The following ERICH5 variants were observed in gnomAD, a reference collection of about 807,000 sequenced individuals.
ERICH5 encodes the protein glutamate rich 5.
ERICH5 carries 24 observed loss-of-function variants against 28.0 expected under a neutral mutation model. The observed-to-expected ratio is 0.86, with a 90% confidence interval of 0.62 to 1.21. The LOEUF (loss-of-function observed/expected upper bound fraction) is 1.21. ERICH5 is among the 50% of genes most tolerant of loss of function. ERICH5 has a pLI of 0.00. For synonymous variants in ERICH5, 163 were observed against 157.6 expected (o/e 1.03, Z -0.25); for missense variants, 421 against 441.2 (o/e 0.95, Z 0.41).
chr8:98,073,508 A>C (rs1174573248), intron 1 of ERICH5, among the ~76,000 whole-genome samples: 429 of 4,984 alleles, frequency 0.086, 119 homozygotes, highest in African/African-American at 0.17. Context: ...ATATATATAT[A>C]TATATATGTA....
chr8:98,068,077 G>A (rs1814850757), intron 1 of ERICH5, among the ~76,000 whole-genome samples: 1 of 151,974 alleles, frequency 6.6e-6, no homozygotes, highest in Admixed American at 6.6e-5. Context: ...GGCTGGTCTT[G>A]AACTTCCAAG....
At chr8:98,087,695 TAATC>T (rs1815307158) in intron 1 of ERICH5, among the ~76,000 whole-genome samples, 1 of 152,166 alleles carries the variant, frequency 6.6e-6, no homozygotes, top group African/African-American at 2.4e-5. Context: ...GTTGAGCACT[TAATC>T]ACACAGTAGA....
chr8:98,083,755 G>A (rs184816373), intron 1 of ERICH5, among the ~76,000 whole-genome samples: 22 of 152,234 alleles, frequency 1.4e-4, no homozygotes, highest in East Asian at 7.7e-4. Flanking sequence ...AGATTTATAC[G>A]TCCAACAGCC....
intron 1 of ERICH5, among the ~76,000 whole-genome samples, chr8:98,068,642 G>A (rs1433330564): frequency 1.3e-5 from 2 of 152,252 alleles, no homozygotes; most frequent in Non-Finnish European, 2.9e-5. Flanking sequence ...GTCTATAGAC[G>A]TTCACATCCA....
intron 2 of ERICH5, among the ~76,000 whole-genome samples, chr8:98,091,908 T>C (rs1382885023): frequency 3.5e-3 from 321 of 93,038 alleles, no homozygotes; most frequent in African/African-American, 0.013. Flanking sequence ...TTCCTTTCTT[T>C]CTTTCTTTCT....
rs1338994883 is a variant in ERICH5, at chr8:98,064,639, A to T, written c.-31A>T. ...CCCGGTTCCGGGCCGACACCCGCGC[A>T]GGGCTGAGACAGGTGTCTGCGCTCC... On this transcript the variant is annotated 5_prime_UTR_variant, in exon 1 of 3. Coordinates refer to ENST00000318528, the MANE Select transcript of ERICH5 (RefSeq NM_173549.3). The T allele has an allele frequency of 2.7e-6, 4 of 1,490,114 alleles. No homozygotes were observed. Among genetic ancestry groups the T allele is most frequent in the Admixed American group, 2.1e-5 (1 of 47,294 alleles). The allele number at this position is 1,490,114 out of a possible 1,614,324, so 92.3% of individuals were successfully genotyped here.
At chr8:98,088,130 G>A (rs1738565633) in intron 1 of ERICH5, among the ~76,000 whole-genome samples, 2 of 152,078 alleles carry the variant, frequency 1.3e-5, no homozygotes, top group Admixed American at 1.3e-4. Flanking sequence ...CTCTCCCAAA[G>A]CATCTTCATA....
chr8:98,072,185 G>T (rs1205095914), intron 1 of ERICH5, among the ~76,000 whole-genome samples: 1 of 152,216 alleles, frequency 6.6e-6, no homozygotes, highest in Non-Finnish European at 1.5e-5. Context: ...CAGCCTGTGA[G>T]AATGGTTTAT....
chr8:98,086,414 T>C (rs1413594264), intron 1 of ERICH5, among the ~76,000 whole-genome samples: 1 of 152,192 alleles, frequency 6.6e-6, no homozygotes, highest in Admixed American at 6.5e-5. Context: ...TTGATATGAA[T>C]ACATGTGTTC....
chr8:98,082,323 T>C lies in ERICH5; in HGVS notation c.59-6753T>C, dbSNP rs574236477. On this transcript the variant is annotated intron_variant, in intron 1 of 2. Transcript: ENST00000318528. ...GTATACGCTGTGGACACTTGCCTAC[T>C]TCCAGTGTACCAGTAAAATTGGGAA... Among the ~76,000 whole-genome samples the C allele has an allele frequency of 2.6e-4, 39 of 152,262 alleles. 1 individual carries two copies. The highest frequency in any genetic ancestry group is 2.4e-3 in the Admixed American group (36 of 15,282).
At chr8:98,087,076 C>T (rs945290302) in intron 1 of ERICH5, among the ~76,000 whole-genome samples, 1 of 152,006 alleles carries the variant, frequency 6.6e-6, no homozygotes, top group African/African-American at 2.4e-5. Flanking sequence ...GGCGTGGTGG[C>T]TTACGCCTAT....
chr8:98,081,280 A>AT, intron 1 of ERICH5, among the ~76,000 whole-genome samples: 1 of 151,256 alleles, frequency 6.6e-6, no homozygotes, highest in Non-Finnish European at 1.5e-5. Flanking sequence ...TAATTTTTAA[A>AT]TTTTTTGGTA....
At chr8:98,073,292 G>C (rs1814954307) in intron 1 of ERICH5, among the ~76,000 whole-genome samples, 1 of 149,772 alleles carries the variant, frequency 6.7e-6, no homozygotes, top group Non-Finnish European at 1.5e-5. Context: ...AATATAGTCT[G>C]GGCCAGGAAC....
intron 1 of ERICH5, among the ~76,000 whole-genome samples, chr8:98,068,559 G>A (rs1442365443): frequency 6.6e-6 from 1 of 152,294 alleles, no homozygotes; most frequent in Admixed American, 6.5e-5. Context: ...GTTGTTTTGA[G>A]TGTCCTGAGG....
chr8:98,089,825 G>A lies in ERICH5; in HGVS notation c.808G>A (p.Val270Ile). The change falls in exon 2 of 3, where the codon GTA becomes ATA. Residue 270 changes from valine (V) to isoleucine (I), a missense_variant. Physicochemically the swap from Val to Ile is conservative, Grantham distance 29. Transcript: ENST00000318528. ...RIPKENVTPEVLDRSQLVEKP... is the reference protein window; with the variant it reads ...RIPKENVTPEILDRSQLVEKP... ...TCCCAAAGAGAATGTAACACCAGAA[G>A]TATTGGACAGAAGTCAGCTTGTGGA... The A allele has an allele frequency of 6.2e-7, 1 of 1,614,188 alleles. No homozygotes were observed. The highest frequency in any genetic ancestry group is 8.5e-7 in the Non-Finnish European group (1 of 1,180,038).
In ERICH5 at chr8:98,089,478, C is replaced by G. The variant is rs1335014623; in HGVS notation, c.461C>G (p.Pro154Arg). 1 of 1,614,202 alleles carries G rather than the reference C, an allele frequency of 6.2e-7. No individual in the cohort carries two copies. The highest frequency in any genetic ancestry group is 1.3e-5 in the African/African-American group (1 of 75,050). ...KGNAEAQPLG[P>R]EAKGQPLQAA... Reference sequence around the variant, plus strand: ...AATGCTGAAGCTCAGCCTTTAGGACCAGAAGCCAAGGGTCAGCCTTTGCAG... The same window carrying G: ...AATGCTGAAGCTCAGCCTTTAGGACGAGAAGCCAAGGGTCAGCCTTTGCAG... The change falls in exon 2 of 3, where the codon CCA becomes CGA. Residue 154 changes from proline (P) to arginine (R), a missense_variant. Coordinates refer to ENST00000318528, the MANE Select transcript of ERICH5 (RefSeq NM_173549.3).
chr8:98,071,439 A>G (rs1233296418), intron 1 of ERICH5, among the ~76,000 whole-genome samples: 1 of 152,200 alleles, frequency 6.6e-6, no homozygotes, highest in East Asian at 1.9e-4. Flanking sequence ...AAACTTGATG[A>G]GGCTTCTAAT....
chr8:98,076,616 C>T (rs1400341770), intron 1 of ERICH5, among the ~76,000 whole-genome samples: 1 of 152,160 alleles, frequency 6.6e-6, no homozygotes, highest in Non-Finnish European at 1.5e-5. Flanking sequence ...AGATAGGCAG[C>T]AACGCCTGTG....
At chr8:98,073,525 T>C (rs1586199555) in intron 1 of ERICH5, among the ~76,000 whole-genome samples, 1 of 12,870 alleles carries the variant, frequency 7.8e-5, no homozygotes, top group Non-Finnish European at 1.5e-4. Context: ...TGTATATATA[T>C]ATATATATAT....
Sources: gnomAD v4.1 joint callset for allele counts (sites outside exome capture counted in the v4.1 genomes callset) on GRCh38, gnomAD v4.1.1 for gene constraint, MANE v1.5 for transcripts, NCBI Gene and HGNC (gene_info 2026-07-23, HGNC 2026-07-21) for gene names.